The following SPDYA variants were observed in gnomAD, a reference collection of about 807,000 sequenced individuals.
SPDYA encodes the protein speedy protein A.
In SPDYA, 11 loss-of-function variants were observed where a neutral mutation model predicts 36.7. The observed-to-expected ratio is 0.30, with a 90% CI of 0.19 to 0.50. The LOEUF (loss-of-function observed/expected upper bound fraction) is 0.50, where lower values mean the gene tolerates loss of function less well. SPDYA is among the 20% of genes least tolerant of loss of function. The probability of loss-of-function intolerance (pLI) is 0.98; values close to 1 mark genes in which losing one functional copy is unlikely to be tolerated. For missense variants in SPDYA, 287 were observed against 370.9 expected (o/e 0.77, Z 1.86); for synonymous variants, 115 against 118.7 (o/e 0.97, Z 0.20).
At position 28,827,079 on chromosome 2, in the gene SPDYA, C is replaced by T. The variant is rs372685668; in HGVS notation, c.381-2069C>T. On this transcript the variant is annotated intron_variant, in intron 5 of 7. Transcript: ENST00000334056. ...TCAGCCTCCCGAGTAGCTGGGACTACTGGCGCCCGCCACCACGCCTGGCTA... is the reference window on the plus strand; with the variant it reads ...TCAGCCTCCCGAGTAGCTGGGACTATTGGCGCCCGCCACCACGCCTGGCTA... Among the ~76,000 whole-genome samples, 146 of 151,562 alleles carry T rather than the reference C, an allele frequency of 9.6e-4. 2 individuals are homozygous for T. The East Asian group carries it at 0.022, about 23-fold the overall frequency.
chr2:28,823,747 AATT>A (rs1558324104), intron 5 of SPDYA, among the ~76,000 whole-genome samples: 25 of 70,794 alleles, frequency 3.5e-4, no homozygotes, highest in South Asian at 1.1e-3. Flanking sequence ...ATATATATAA[AATT>A]TTTTTTTTTT....
chr2:28,847,976 C>T (rs989655692), intron 7 of SPDYA, among the ~76,000 whole-genome samples: 2 of 152,072 alleles, frequency 1.3e-5, no homozygotes, highest in Admixed American at 1.3e-4. Context: ...TAGGCTATAC[C>T]ATATAACCTA....
At chr2:28,838,975 TAA>T (rs1302650933) in intron 6 of SPDYA, among the ~76,000 whole-genome samples, 2 of 152,230 alleles carry the variant, frequency 1.3e-5, no homozygotes, top group Non-Finnish European at 2.9e-5. Flanking sequence ...TGACTGTAAC[TAA>T]AGACTTTTGC....
intron 7 of SPDYA, among the ~76,000 whole-genome samples, chr2:28,843,840 C>T (rs1668807936): frequency 6.6e-6 from 1 of 152,020 alleles, no homozygotes; most frequent in Non-Finnish European, 1.5e-5. Context: ...TTTATAATAA[C>T]TAAACTACTA....
At chr2:28,829,363 G>C (rs745377197) in intron 6 of SPDYA, 44 bp downstream of exon 6, 1 of 1,516,396 alleles carries the variant, frequency 6.6e-7, no homozygotes, top group Admixed American at 2.3e-5. Context: ...TTTGTTTTCT[G>C]TTTATCTTAT....
At position 28,822,469 on chromosome 2, in the gene SPDYA, T is replaced by C. The variant is rs1668191843; in HGVS notation, c.380+59T>C. 6.0e-6 allele frequency: 5 copies of C among 837,866 alleles called. No individual in the cohort carries two copies. In the South Asian group the frequency reaches 1.1e-4, roughly 19 times the overall value. 51.9% of individuals were successfully genotyped at this position (837,866 alleles called of 1,614,324 possible). ...TATCTATTATATACATTACACCTTA[T>C]TTAAAACAGAGGCTATTTAAAACCT... On this transcript the variant is annotated intron_variant, in intron 5 of 7. Transcript: ENST00000334056.
chr2:28,831,251 G>C (rs987808883), intron 6 of SPDYA, among the ~76,000 whole-genome samples: 11 of 152,226 alleles, frequency 7.2e-5, no homozygotes, highest in African/African-American at 2.6e-4. Context: ...CCAGCTACTT[G>C]AGAGGCTGTG....
intron 6 of SPDYA, among the ~76,000 whole-genome samples, chr2:28,839,367 C>T (rs766226314): frequency 8.0e-5 from 10 of 125,742 alleles, no homozygotes; most frequent in Non-Finnish European, 1.7e-4. Flanking sequence ...CATTTATTAT[C>T]TCCATGCTGA....
At chr2:28,841,769 A>G (rs1290722635) in intron 7 of SPDYA, among the ~76,000 whole-genome samples, 1 of 152,104 alleles carries the variant, frequency 6.6e-6, no homozygotes, top group Admixed American at 6.6e-5. Context: ...TTCCTTTTCA[A>G]CACCTTCAGG....
intron 4 of SPDYA, among the ~76,000 whole-genome samples, chr2:28,821,903 A>T (rs980573171): frequency 2.1e-4 from 32 of 152,258 alleles, no homozygotes; most frequent in African/African-American, 7.0e-4. Context: ...GGATGTCTGT[A>T]ACTAAAAGGG....
intron 6 of SPDYA, among the ~76,000 whole-genome samples, chr2:28,835,489 A>G (rs969610305): frequency 5.9e-5 from 9 of 152,086 alleles, no homozygotes; most frequent in African/African-American, 2.2e-4. Flanking sequence ...CACCTGCCTC[A>G]GCCTCCCAGA....
chr2:28,829,958 A>AG (rs1265286397), intron 6 of SPDYA, among the ~76,000 whole-genome samples: 2 of 51,666 alleles, frequency 3.9e-5, no homozygotes, highest in Non-Finnish European at 8.4e-5. Context: ...AAAAAAAAAA[A>AG]AGAAAAGAAA....
intron 5 of SPDYA, among the ~76,000 whole-genome samples, chr2:28,826,141 C>A (rs140364094): frequency 6.6e-6 from 1 of 150,412 alleles, no homozygotes; most frequent in East Asian, 2.0e-4. Flanking sequence ...TGATGTTTTT[C>A]GTTTTTGTTT....
In SPDYA at chr2:28,822,385, AC is replaced by A; in HGVS notation, c.357del (p.Arg120GlyfsTer2). The A allele has an allele frequency of 6.4e-7, 1 of 1,570,504 alleles. No homozygotes were observed. Among genetic ancestry groups the A allele is most frequent in the Non-Finnish European group, 8.7e-7 (1 of 1,155,164 alleles). On this transcript the variant is annotated frameshift_variant, in exon 5 of 8. Coordinates refer to ENST00000334056, the MANE Select transcript of SPDYA (RefSeq NM_182756.4). LOFTEE classifies it high-confidence loss of function. ...KRAKFTISEH[T>X]RINFFIALYL... ...GGCTAAATTTACTATAAGTGAGCAT[AC>A]CAGGATAAATTTCTTTATTGCTCTG...
rs1309635977 is a variant in SPDYA at position 28,811,638 on chromosome 2, A to G, written c.-93+691A>G. 5.3e-5 allele frequency among the ~76,000 whole-genome samples: 8 copies of G among 150,542 alleles called. No homozygotes were observed. Among genetic ancestry groups the G allele is most frequent in the Non-Finnish European group, 1.2e-4 (8 of 67,704 alleles). On this transcript the variant is annotated intron_variant, in intron 1 of 7. Transcript: ENST00000334056. The surrounding 1 kb of genome is among the most constrained non-coding windows in gnomAD (Gnocchi z 4.2). Reference sequence around the variant, plus strand: ...GATTCGAGAGCAGCCCACAGCGAAAACCCCGTCTCTACAAAAAAATAATGA... The same window carrying G: ...GATTCGAGAGCAGCCCACAGCGAAAGCCCCGTCTCTACAAAAAAATAATGA...
intron 4 of SPDYA, among the ~76,000 whole-genome samples, chr2:28,819,382 C>T (rs1003725546): frequency 9.2e-5 from 14 of 151,856 alleles, no homozygotes; most frequent in Admixed American, 6.6e-4. Flanking sequence ...GTGGCATGCA[C>T]CTGTAGTTCC....
intron 6 of SPDYA, among the ~76,000 whole-genome samples, chr2:28,834,132 C>A (rs1668536266): frequency 6.6e-6 from 1 of 150,460 alleles, no homozygotes; most frequent in Non-Finnish European, 1.5e-5. Context: ...AGATGTTCAA[C>A]ATCATTAGCT....
At chr2:28,829,416 G>GTT in intron 6 of SPDYA, 97 bp downstream of exon 6, 6 of 1,205,968 alleles carry the variant, frequency 5.0e-6, no homozygotes, top group Admixed American at 3.1e-5. Context: ...TGGTATTCTG[G>GTT]GTTTTTTTTT....
intron 7 of SPDYA, 62 bp downstream of exon 7, chr2:28,840,531 T>C (rs1435870691): frequency 1.3e-6 from 2 of 1,557,978 alleles, no homozygotes; most frequent in Non-Finnish European, 1.7e-6. Context: ...CTCTAGTCAG[T>C]CCTTTCTGGC....
Sources: allele counts gnomAD v4.1 joint callset (sites outside exome capture counted in the v4.1 genomes callset), GRCh38; gene constraint gnomAD v4.1.1; non-coding constraint Gnocchi (gnomAD v3.1); transcripts MANE v1.5; gene names NCBI Gene and HGNC (gene_info 2026-07-23, HGNC 2026-07-21).